SLC26A7: variants seen among roughly 807,000 people sequenced by gnomAD.
SLC26A7 encodes solute carrier family 26 member 7.
SLC26A7 carries 59 observed loss-of-function variants against 82.5 expected under a neutral mutation model. The observed-to-expected ratio is 0.72, with a 90% CI of 0.58 to 0.89. SLC26A7 has a LOEUF of 0.89. Ranked by LOEUF, SLC26A7 falls within the 40% of genes least tolerant of loss-of-function variation. The pLI is 0.00. For missense variants in SLC26A7, 820 were observed against 793.0 expected (o/e 1.03, Z -0.41); for synonymous variants, 271 against 274.3 (o/e 0.99, Z 0.12).
chr8:91,253,596 C>T (rs1810719742), intron 2 of SLC26A7, among the ~76,000 whole-genome samples: 1 of 152,070 alleles, frequency 6.6e-6, no homozygotes, highest in Non-Finnish European at 1.5e-5. Context: ...TCCATTTCTT[C>T]AGCATGTCCT....
At chr8:91,371,792 G>C (rs1814370447) in intron 15 of SLC26A7, among the ~76,000 whole-genome samples, 1 of 151,834 alleles carries the variant, frequency 6.6e-6, no homozygotes, top group Non-Finnish European at 1.5e-5. Context: ...TTAGTTCTTT[G>C]AGAAATCTCC....
chr8:91,384,297 C>T (rs186314698), intron 15 of SLC26A7, among the ~76,000 whole-genome samples: 51 of 152,162 alleles, frequency 3.4e-4, no homozygotes, highest in Admixed American at 7.2e-4. Flanking sequence ...AGTGTGACAT[C>T]GTCAAATCTC....
chr8:91,229,111 G>A (rs1810278737), intron 2 of SLC26A7, among the ~76,000 whole-genome samples: 1 of 152,102 alleles, frequency 6.6e-6, no homozygotes, highest in South Asian at 2.1e-4. Context: ...TTCCCTGCTC[G>A]AATCCTGCCA....
At chr8:91,242,211 G>C (rs968177111) in intron 2 of SLC26A7, among the ~76,000 whole-genome samples, 1 of 152,018 alleles carries the variant, frequency 6.6e-6, no homozygotes, top group Admixed American at 6.6e-5. Context: ...GTACTATATT[G>C]AAAAGTTACA....
chr8:91,246,837 A>G (rs1277321708), upstream of SLC26A7, among the ~76,000 whole-genome samples: 1 of 152,122 alleles, frequency 6.6e-6, no homozygotes. Flanking sequence ...CCATCCTCTG[A>G]GCTCCCGTAT....
intron 2 of SLC26A7, among the ~76,000 whole-genome samples, chr8:91,267,898 C>G (rs572268546): frequency 6.6e-6 from 1 of 151,878 alleles, no homozygotes; most frequent in South Asian, 2.1e-4. Context: ...ATAAACTTCT[C>G]TCTTAGAACT....
chr8:91,365,857 A>T (rs1814177911), intron 13 of SLC26A7, among the ~76,000 whole-genome samples: 1 of 152,162 alleles, frequency 6.6e-6, no homozygotes, highest in South Asian at 2.1e-4. Context: ...AGGAGTTGTC[A>T]TTTTGTAGAA....
chr8:91,223,820 G>A (rs55779688), intron 2 of SLC26A7, among the ~76,000 whole-genome samples: 67,427 of 151,756 alleles, frequency 0.44, 16,889 homozygotes, highest in South Asian at 0.64. Context: ...CCAATCAATC[G>A]TAGGTTCGGT....
intron 2 of SLC26A7, among the ~76,000 whole-genome samples, chr8:91,274,218 T>C (rs2130739433): frequency 6.6e-6 from 1 of 152,326 alleles, no homozygotes; most frequent in East Asian, 1.9e-4. Context: ...TATTCCCCAC[T>C]AGAACATAAA....
intron 5 of SLC26A7, among the ~76,000 whole-genome samples, chr8:91,329,443 G>C (rs1261059619): frequency 2.6e-5 from 4 of 151,982 alleles, no homozygotes; most frequent in Admixed American, 6.6e-5. Context: ...TGTTCTTCTG[G>C]AGCATCTTGT....
intron 15 of SLC26A7, among the ~76,000 whole-genome samples, chr8:91,373,483 C>T (rs1814423235): frequency 6.6e-6 from 1 of 151,810 alleles, no homozygotes; most frequent in Non-Finnish European, 1.5e-5. Flanking sequence ...AAGATAATCA[C>T]ATGGCTTTTG....
intron 2 of SLC26A7, among the ~76,000 whole-genome samples, chr8:91,226,296 A>G (rs1354781312): frequency 6.6e-6 from 1 of 152,214 alleles, no homozygotes; most frequent in Non-Finnish European, 1.5e-5. Context: ...AATAACCTAG[A>G]CAACAAGGAA....
intron 8 of SLC26A7, 61 bp downstream of exon 8, chr8:91,340,612 A>T: frequency 6.3e-7 from 1 of 1,592,976 alleles, no homozygotes; most frequent in Non-Finnish European, 8.6e-7. Flanking sequence ...GCACTCCCAG[A>T]TCCTAAAAAT....
intron 10 of SLC26A7, among the ~76,000 whole-genome samples, chr8:91,352,700 A>AT (rs1215829013): frequency 6.6e-5 from 10 of 152,160 alleles, no homozygotes; most frequent in African/African-American, 1.9e-4. Context: ...TACCTTATGA[A>AT]TTCTAGAATA....
intron 4 of SLC26A7, among the ~76,000 whole-genome samples, chr8:91,317,954 AT>A (rs1393469999): frequency 1.4e-4 from 21 of 146,928 alleles, no homozygotes; most frequent in Admixed American, 9.5e-4. Flanking sequence ...ATATATATAT[AT>A]ATAAAATAAA....
intron 5 of SLC26A7, 71 bp from the exon 6 acceptor site, chr8:91,334,222 TGG>T (rs1813175925): frequency 1.5e-6 from 2 of 1,364,400 alleles, no homozygotes; most frequent in Admixed American, 2.2e-5. Context: ...TTGAGTTTAT[TGG>T]GGCCATATTT....
intron 2 of SLC26A7, chr8:91,219,218 CA>C (rs574431781): frequency 6.1e-4 from 207 of 340,858 alleles, no homozygotes; most frequent in Middle Eastern, 2.3e-3. Context: ...TAAAAAAGTA[CA>C]AAAAAAAATT....
intron 2 of SLC26A7, among the ~76,000 whole-genome samples, chr8:91,281,741 A>T (rs896461258): frequency 2.0e-5 from 3 of 151,410 alleles, no homozygotes; most frequent in African/African-American, 7.3e-5. Context: ...TCTCCCTCCC[A>T]CTCTCGGGCC....
At chr8:91,240,937 A>C (rs1810464702) in intron 2 of SLC26A7, among the ~76,000 whole-genome samples, 1 of 152,104 alleles carries the variant, frequency 6.6e-6, no homozygotes. Context: ...GGGCCATGTA[A>C]AATGGTGACC....
Sources: allele counts gnomAD v4.1 joint callset (sites outside exome capture counted in the v4.1 genomes callset), GRCh38; gene constraint gnomAD v4.1.1; transcripts MANE v1.5; gene names NCBI Gene and HGNC (gene_info 2026-07-23, HGNC 2026-07-21).